SPAG6: variants seen among roughly 807,000 people sequenced by gnomAD.
SPAG6 encodes sperm-associated antigen 6.
SPAG6 carries 49 observed loss-of-function variants against 58.5 expected under a neutral mutation model. The observed-to-expected ratio is 0.84, with a 90% CI of 0.67 to 1.06. The LOEUF is 1.06. Among genes scored for constraint, SPAG6 ranks in the 50% least tolerant of loss-of-function variants. The probability of loss-of-function intolerance (pLI) is 0.00; values close to 1 mark genes in which losing one functional copy is unlikely to be tolerated. For synonymous variants in SPAG6, 233 were observed against 225.6 expected, an observed-to-expected ratio of 1.03 and a Z score of -0.29; for missense variants, 560 against 611.3, an observed-to-expected ratio of 0.92 and a Z score of 0.89.
chr10:22,361,803 A>G (rs1325442023), intron 2 of SPAG6, among the ~76,000 whole-genome samples: 1 of 151,940 alleles, frequency 6.6e-6, no homozygotes, highest in African/African-American at 2.4e-5. Context: ...GAGATTTGTG[A>G]TAGATTAAAT....
intron 7 of SPAG6, among the ~76,000 whole-genome samples, chr10:22,391,048 A>G (rs1834172684): frequency 6.6e-6 from 1 of 152,146 alleles, no homozygotes; most frequent in Non-Finnish European, 1.5e-5. Flanking sequence ...AATGTATTTG[A>G]GGCTCTTTAG....
chr10:22,393,326 G>A (rs901624163), intron 8 of SPAG6, among the ~76,000 whole-genome samples: 5 of 152,076 alleles, frequency 3.3e-5, no homozygotes, highest in African/African-American at 9.7e-5. Context: ...AGGGATGTAT[G>A]AGCTAGAGCA....
chr10:22,380,356 T>G (rs549246546), intron 4 of SPAG6, among the ~76,000 whole-genome samples: 11 of 152,106 alleles, frequency 7.2e-5, no homozygotes, highest in African/African-American at 2.7e-4. Flanking sequence ...CAGGCTGAAG[T>G]GAAGCAACGT....
At chr10:22,353,527 C>G (rs554664423) in intron 2 of SPAG6, among the ~76,000 whole-genome samples, 2 of 152,298 alleles carry the variant, frequency 1.3e-5, no homozygotes, top group South Asian at 2.1e-4. Context: ...AAAAAGAAAA[C>G]AACTGTGAAC....
rs755864535 is a variant in SPAG6, at chr10:22,411,162, C to T, written c.1446C>T (p.Pro482=). ...EYINSINSCY[P]EEIVRYYSPG... ...TCAACAGTATTAACAGTTGTTACCCCGAGGAAATAGTGAGGTGGGGAAAAT... is the reference window on the plus strand; with the variant it reads ...TCAACAGTATTAACAGTTGTTACCCTGAGGAAATAGTGAGGTGGGGAAAAT... Residue 482 remains proline, a synonymous_variant, in exon 10 of 11, where the codon CCC becomes CCT. Transcript: ENST00000376624. 2.4e-5 allele frequency: 39 copies of T among 1,606,922 alleles called. No homozygotes were observed. Among genetic ancestry groups the T allele is most frequent in the Admixed American group, 1.0e-4 (6 of 58,580 alleles).
intron 4 of SPAG6, among the ~76,000 whole-genome samples, chr10:22,375,869 G>T (rs1397177932): frequency 6.6e-6 from 1 of 152,056 alleles, no homozygotes; most frequent in Non-Finnish European, 1.5e-5. Context: ...GAGCCATTGT[G>T]CCCGGCCACC....
At chr10:22,392,802 G>A (rs2132089784) in intron 8 of SPAG6, among the ~76,000 whole-genome samples, 1 of 152,216 alleles carries the variant, frequency 6.6e-6, no homozygotes, top group Middle Eastern at 3.4e-3. Context: ...GACTCTGAAA[G>A]TTATGTATAG....
rs767966289 is a variant in SPAG6 at position 22,401,242 on chromosome 10, A to C, written c.1279A>C (p.Asn427His). The C allele has an allele frequency of 6.3e-7, 1 of 1,595,830 alleles. No homozygotes were observed. The highest frequency in any genetic ancestry group is 8.6e-7 in the Non-Finnish European group (1 of 1,163,566). ...ACCATTTCTATATGATGCTCCTCCC[A>C]ATATTCTGAAACATGTGGTTGGACA... ...LEPFLYDAPPNILKHVVGQFS... is the reference protein window; with the variant it reads ...LEPFLYDAPPHILKHVVGQFS... The change falls in exon 9 of 11, where the codon AAT (asparagine) becomes CAT (histidine). Residue 427 changes from asparagine (N) to histidine (H), a missense_variant. Asn to His is a moderately conservative substitution (Grantham distance 68). Transcript: ENST00000376624.
At chr10:22,359,860 G>C (rs990122064) in intron 2 of SPAG6, among the ~76,000 whole-genome samples, 38 of 152,258 alleles carry the variant, frequency 2.5e-4, no homozygotes, top group African/African-American at 8.7e-4. Flanking sequence ...GTGCAGGTTT[G>C]TTACATAGGT....
intron 8 of SPAG6, among the ~76,000 whole-genome samples, chr10:22,398,547 T>C (rs1834344778): frequency 6.6e-6 from 1 of 152,154 alleles, no homozygotes; most frequent in African/African-American, 2.4e-5. Flanking sequence ...GGCAACATAG[T>C]GAGACCCTAT....
chr10:22,399,730 A>T (rs1044129476), intron 8 of SPAG6, among the ~76,000 whole-genome samples: 4 of 152,206 alleles, frequency 2.6e-5, no homozygotes, highest in Admixed American at 6.5e-5. Context: ...ATCAACTTAG[A>T]ACTACTAGAA....
intron 4 of SPAG6, among the ~76,000 whole-genome samples, chr10:22,370,239 T>C (rs1008563013): frequency 6.6e-6 from 1 of 152,252 alleles, no homozygotes; most frequent in Non-Finnish European, 1.5e-5. Flanking sequence ...TTTTTCTTCA[T>C]GTTCCAGATT....
chr10:22,405,348 A>C (rs1431511278), intron 9 of SPAG6, among the ~76,000 whole-genome samples: 1 of 151,948 alleles, frequency 6.6e-6, no homozygotes, highest in Non-Finnish European at 1.5e-5. Flanking sequence ...TAACATGAAG[A>C]GTTGTTGAAT....
chr10:22,394,245 A>C (rs1834243759), intron 8 of SPAG6, among the ~76,000 whole-genome samples: 1 of 152,174 alleles, frequency 6.6e-6, no homozygotes, highest in Non-Finnish European at 1.5e-5. Context: ...ATGGAAAAGA[A>C]GTTTTTTTCT....
chr10:22,387,562 G>A (rs1042271145), intron 5 of SPAG6, among the ~76,000 whole-genome samples: 29 of 151,992 alleles, frequency 1.9e-4, no homozygotes, highest in African/African-American at 6.5e-4. Context: ...TCATCCAGAG[G>A]TCATGTTATT....
At chr10:22,378,197 G>A (rs1833867109) in intron 4 of SPAG6, among the ~76,000 whole-genome samples, 1 of 151,398 alleles carries the variant, frequency 6.6e-6, no homozygotes, top group South Asian at 2.1e-4. Flanking sequence ...TCGAGTAGCT[G>A]GGATTGCAGG....
chr10:22,375,312 C>G (rs1257120486), intron 4 of SPAG6, among the ~76,000 whole-genome samples: 2 of 152,188 alleles, frequency 1.3e-5, no homozygotes, highest in Non-Finnish European at 2.9e-5. Flanking sequence ...TTGAGCATTT[C>G]ACAAACATCT....
At chr10:22,408,340 G>T (rs1407238094) in intron 9 of SPAG6, among the ~76,000 whole-genome samples, 1 of 138,478 alleles carries the variant, frequency 7.2e-6, no homozygotes, top group African/African-American at 3.1e-5. Context: ...CTGTTTGTTA[G>T]TTTTCCTTCT....
chr10:22,356,592 C>G (rs1012482814), intron 2 of SPAG6, among the ~76,000 whole-genome samples: 2 of 152,304 alleles, frequency 1.3e-5, no homozygotes, highest in Non-Finnish European at 2.9e-5. Context: ...ATGTTTCAAG[C>G]CAGTATGAAT....
Sources: allele counts gnomAD v4.1 joint callset (sites outside exome capture counted in the v4.1 genomes callset), GRCh38; gene constraint gnomAD v4.1.1; transcripts MANE v1.5; gene names NCBI Gene and HGNC (gene_info 2026-07-23, HGNC 2026-07-21).